The following NAALADL2 variants were observed in gnomAD, a reference collection of about 807,000 sequenced individuals.
The protein encoded by NAALADL2 is inactive N-acetylated-alpha-linked acidic dipeptidase-like protein 2.
A neutral mutation model predicts 87.2 loss-of-function variants in NAALADL2; 76 were observed. That is an observed-to-expected ratio of 0.87 (90% CI 0.72 to 1.05). The LOEUF (loss-of-function observed/expected upper bound fraction) is 1.05. Ranked by LOEUF, NAALADL2 falls within the 50% of genes least tolerant of loss-of-function variation. The probability of loss-of-function intolerance (pLI) is 0.00; values close to 1 mark genes in which losing one functional copy is unlikely to be tolerated. For synonymous variants in NAALADL2, 354 were observed against 331.0 expected, an observed-to-expected ratio of 1.07 and a Z score of -0.75; for missense variants, 1,089 against 945.8, an observed-to-expected ratio of 1.15 and a Z score of -1.99.
chr3:174,950,218 GTTTTACCAA>G (rs1002470904), intron 1 of NAALADL2, among the ~76,000 whole-genome samples: 1 of 151,850 alleles, frequency 6.6e-6, no homozygotes, highest in African/African-American at 2.4e-5. Context: ...AGAGTCCTTG[GTTTTACCAA>G]GGACTCTACA....
intron 11 of NAALADL2, among the ~76,000 whole-genome samples, chr3:175,641,958 G>A (rs948799062): frequency 1.3e-5 from 2 of 152,074 alleles, no homozygotes; most frequent in African/African-American, 4.8e-5. Flanking sequence ...AATGAATCAT[G>A]TGCACAAAAG....
intron 3 of NAALADL2, among the ~76,000 whole-genome samples, chr3:174,812,372 G>A (rs1720312962): frequency 6.6e-6 from 1 of 152,140 alleles, no homozygotes; most frequent in Non-Finnish European, 1.5e-5. Flanking sequence ...TGCAACAAGT[G>A]CTAGTGGTGA....
rs183618348 is a variant in NAALADL2, at chr3:174,850,082, G to C, written c.-9+112336G>C. On this transcript the variant is annotated intron_variant, in intron 3 of 3. Transcript: ENST00000434257. ...TTCCTTAGCATTTTTTGTAACATAG[G>C]CCTGGTGTTTATAAAATACCTCAGC... is the stretch of plus-strand genomic sequence containing the variant. 3.9e-5 allele frequency among the ~76,000 whole-genome samples: 6 copies of C among 152,150 alleles called. No individual in the cohort carries two copies. In the East Asian group the frequency reaches 1.2e-3, roughly 29 times the overall value.
intron 2 of NAALADL2, among the ~76,000 whole-genome samples, chr3:175,196,725 G>T (rs1384051976): frequency 1.3e-5 from 2 of 151,902 alleles, no homozygotes; most frequent in Non-Finnish European, 2.9e-5. Flanking sequence ...CGAGGTTTTT[G>T]CACCTGCTGG....
At chr3:175,244,246 C>A (rs185287161) in intron 3 of NAALADL2, among the ~76,000 whole-genome samples, 2 of 152,066 alleles carry the variant, frequency 1.3e-5, no homozygotes. Context: ...GATAAAGTTG[C>A]GGAAGCTCTC....
At chr3:174,924,729 T>A (rs576237507) in intron 1 of NAALADL2, among the ~76,000 whole-genome samples, 1 of 152,264 alleles carries the variant, frequency 6.6e-6, no homozygotes, top group East Asian at 1.9e-4. Flanking sequence ...ACCTGTTGTT[T>A]CCTGACTTTG....
intron 2 of NAALADL2, among the ~76,000 whole-genome samples, chr3:174,734,372 A>G (rs977321554): frequency 3.9e-5 from 6 of 152,228 alleles, no homozygotes; most frequent in African/African-American, 1.4e-4. Context: ...GAGCTGCTAT[A>G]GCAAAATCCC....
chr3:174,788,282 T>C (rs1717043029), intron 3 of NAALADL2, among the ~76,000 whole-genome samples: 1 of 149,728 alleles, frequency 6.7e-6, no homozygotes, highest in South Asian at 2.1e-4. Flanking sequence ...TTATCAGATG[T>C]GACATTATTG....
chr3:174,838,556 C>T (rs868677165), intron 3 of NAALADL2, among the ~76,000 whole-genome samples: 2 of 152,230 alleles, frequency 1.3e-5, no homozygotes, highest in African/African-American at 4.8e-5. Context: ...GTCAAACTGT[C>T]GCTGTCTGCT....
At chr3:175,113,925 G>T (rs1270801661) in intron 2 of NAALADL2, among the ~76,000 whole-genome samples, 1 of 151,632 alleles carries the variant, frequency 6.6e-6, no homozygotes, top group Non-Finnish European at 1.5e-5. Context: ...TAGTCTTGAA[G>T]AAAGGTAGTT....
intron 5 of NAALADL2, among the ~76,000 whole-genome samples, chr3:175,387,697 CAG>C (rs1445347846): frequency 6.6e-6 from 1 of 151,966 alleles, no homozygotes; most frequent in Non-Finnish European, 1.5e-5. Context: ...TGTTTAAAAA[CAG>C]AATTTCCTCA....
chr3:175,297,640 T>A (rs1412296334), intron 4 of NAALADL2, among the ~76,000 whole-genome samples: 1 of 152,162 alleles, frequency 6.6e-6, no homozygotes, highest in Admixed American at 6.6e-5. Flanking sequence ...CACTAACCAT[T>A]GGTAATTCAC....
intron 1 of NAALADL2, among the ~76,000 whole-genome samples, chr3:174,974,008 A>AT (rs1221925599): frequency 1.3e-5 from 2 of 152,092 alleles, no homozygotes; most frequent in Non-Finnish European, 2.9e-5. Context: ...CACCCAGTGG[A>AT]TTTTTCTACA....
intron 1 of NAALADL2, among the ~76,000 whole-genome samples, chr3:175,070,266 C>T (rs1715376338): frequency 6.6e-6 from 1 of 151,736 alleles, no homozygotes. Flanking sequence ...TTATGTAATT[C>T]TCTGCAAAAG....
intron 9 of NAALADL2, 73 bp downstream of exon 9, chr3:175,471,831 T>C: frequency 7.7e-7 from 1 of 1,290,796 alleles, no homozygotes; most frequent in South Asian, 1.4e-5. Context: ...CATTTCTTGA[T>C]TTTTTCATTT....
At chr3:175,506,865 C>G (rs750095177) in intron 9 of NAALADL2, among the ~76,000 whole-genome samples, 3 of 152,062 alleles carry the variant, frequency 2.0e-5, no homozygotes, top group African/African-American at 7.2e-5. Context: ...CTCCTGATAC[C>G]TTTTAGCCTC....
chr3:174,876,107 C>A (rs888121844), intron 1 of NAALADL2, among the ~76,000 whole-genome samples: 4 of 151,874 alleles, frequency 2.6e-5, no homozygotes, highest in Admixed American at 6.6e-5. Flanking sequence ...TTTATGTGAT[C>A]AGATGTTAAC....
intron 13 of NAALADL2, among the ~76,000 whole-genome samples, chr3:175,785,114 T>G (rs1278684584): frequency 1.3e-5 from 2 of 150,796 alleles, no homozygotes; most frequent in East Asian, 3.9e-4. Flanking sequence ...GAGGAGAGCT[T>G]TACTTCCAAC....
chr3:175,289,267 A>G (rs1755353532), intron 4 of NAALADL2, among the ~76,000 whole-genome samples: 1 of 152,164 alleles, frequency 6.6e-6, no homozygotes, highest in Non-Finnish European at 1.5e-5. Context: ...TTACGTGAGT[A>G]TGTATTACAT....
Sources: allele counts gnomAD v4.1 joint callset (sites outside exome capture counted in the v4.1 genomes callset), GRCh38; gene constraint gnomAD v4.1.1; transcripts MANE v1.5; gene names NCBI Gene and HGNC (gene_info 2026-07-23, HGNC 2026-07-21).